The following DNA2 variants were observed in gnomAD, a reference collection of about 807,000 sequenced individuals.
DNA2 encodes DNA replication helicase/nuclease 2, also known as DNA replication ATP-dependent helicase/nuclease DNA2.
A neutral mutation model predicts 119.1 loss-of-function variants in DNA2; 101 were observed. The ratio of observed to expected loss-of-function variants is 0.85; its 90% CI spans 0.72 to 1.00. The LOEUF is 1.00. Ranked by LOEUF, DNA2 falls within the 50% of genes least tolerant of loss-of-function variation. DNA2 has a pLI of 0.00. For missense variants in DNA2, 1,121 were observed against 1,255.5 expected (o/e 0.89, Z 1.62); for synonymous variants, 366 against 424.4 (o/e 0.86, Z 1.69).
At chr10:68,435,173 C>T (rs1232227735) in intron 10 of DNA2, among the ~76,000 whole-genome samples, 1 of 151,784 alleles carries the variant, frequency 6.6e-6, no homozygotes, top group Admixed American at 6.6e-5. Context: ...CCCACCTCGG[C>T]CTCCACAGTA....
At chr10:68,460,065 A>ACACACACAC (rs1387797925) in intron 4 of DNA2, among the ~76,000 whole-genome samples, 3 of 151,154 alleles carry the variant, frequency 2.0e-5, no homozygotes, top group Admixed American at 6.6e-5. Context: ...ACACACATAC[A>ACACACACAC]AGTTAACATG....
At chr10:68,462,551 A>T (rs2052273459) in intron 4 of DNA2, among the ~76,000 whole-genome samples, 2 of 145,090 alleles carry the variant, frequency 1.4e-5, no homozygotes, top group Admixed American at 1.3e-4. Context: ...AACTGCTGTT[A>T]TAAACTTACC....
intron 4 of DNA2, among the ~76,000 whole-genome samples, chr10:68,464,196 T>C (rs1229334366): frequency 1.3e-5 from 2 of 152,136 alleles, no homozygotes; most frequent in Non-Finnish European, 2.9e-5. Context: ...ACAATGTCTA[T>C]AGAGAGCAAT....
chr10:68,432,738 G>A (rs972061147), intron 10 of DNA2, among the ~76,000 whole-genome samples: 2 of 152,124 alleles, frequency 1.3e-5, no homozygotes, highest in African/African-American at 4.8e-5. Flanking sequence ...ATTAATAATT[G>A]GGAACCTGCA....
intron 6 of DNA2, among the ~76,000 whole-genome samples, chr10:68,449,052 G>C (rs946654876): frequency 3.3e-5 from 5 of 150,768 alleles, no homozygotes; most frequent in Admixed American, 1.3e-4. Context: ...ACCCACCTCG[G>C]CCTCCCAAAG....
intron 13 of DNA2, among the ~76,000 whole-genome samples, chr10:68,431,257 GA>G (rs59959262): frequency 2.3e-4 from 33 of 145,322 alleles, no homozygotes; most frequent in East Asian, 1.2e-3. Flanking sequence ...TTACTGACAT[GA>G]AAAAAAAAAT....
At chr10:68,418,517 A>G (rs1419587676) in intron 19 of DNA2, among the ~76,000 whole-genome samples, 2 of 149,460 alleles carry the variant, frequency 1.3e-5, no homozygotes, top group Non-Finnish European at 3.0e-5. Flanking sequence ...CAGAACGTGC[A>G]GTTTTGTTAC....
chr10:68,431,907 G>A lies in DNA2; in HGVS notation c.1938C>T (p.Ile646=), dbSNP rs745691227. Residue 646 remains isoleucine, a synonymous_variant, in exon 13 of 21, where the codon ATC becomes ATT. Coordinates refer to ENST00000358410, the MANE Select transcript of DNA2 (RefSeq NM_001080449.3). ...TTTTTCCTGTCCCAGGCATACCCAC[G>A]ATGAGTGTGTAGTCTTTTGAAAGAA... The part of the protein sequence containing the change: ...KVLLSKDYTL[I]VGMPGTGKTT... 7.4e-6 allele frequency: 12 copies of A among 1,613,774 alleles called. No individual in the cohort carries two copies. Among genetic ancestry groups the A allele is most frequent in the Admixed American group, 1.7e-5 (1 of 59,996 alleles).
At position 68,422,763 on chromosome 10, in the gene DNA2, G is replaced by GAA; in HGVS notation, c.2334_2335dup (p.Ser779PhefsTer7). 2 of 1,576,408 alleles carry GAA rather than the reference G, an allele frequency of 1.3e-6. No individual in the cohort carries two copies. The highest frequency in any genetic ancestry group is 1.8e-5 in the Admixed American group (1 of 55,172). ...GTCCCCCACTAACACAAATCTCCGTGAAAAAAAAAGGGGGCCCAGACAAAT... is the reference window on the plus strand; with the variant it reads ...GTCCCCCACTAACACAAATCTCCGTGAAAAAAAAAAAGGGGGCCCAGACAAAT... On this transcript the variant is annotated frameshift_variant, in exon 15 of 21. Coordinates refer to ENST00000358410, the MANE Select transcript of DNA2 (RefSeq NM_001080449.3). LOFTEE classifies it high-confidence loss of function.
chr10:68,434,230 G>C (rs1263160922), intron 10 of DNA2, among the ~76,000 whole-genome samples: 1 of 151,388 alleles, frequency 6.6e-6, no homozygotes, highest in African/African-American at 2.4e-5. Context: ...AACTGAGATC[G>C]TGCTACTGCA....
chr10:68,431,259 A>C (rs1259525665), intron 13 of DNA2, among the ~76,000 whole-genome samples: 2 of 151,512 alleles, frequency 1.3e-5, no homozygotes, highest in African/African-American at 4.8e-5. Context: ...ACTGACATGA[A>C]AAAAAAAATC....
intron 4 of DNA2, among the ~76,000 whole-genome samples, chr10:68,460,199 T>TA (rs1468264767): frequency 1.2e-4 from 19 of 152,030 alleles, no homozygotes; most frequent in African/African-American, 4.6e-4. Context: ...CTCTGCCTTA[T>TA]AGGCTCAAGT....
chr10:68,431,210 C>T (rs750316139), intron 13 of DNA2, among the ~76,000 whole-genome samples: 3 of 78,684 alleles, frequency 3.8e-5, no homozygotes, highest in Non-Finnish European at 7.5e-5. Flanking sequence ...GACTCCATCT[C>T]AAAAAAAAAA....
chr10:68,431,289 C>CT (rs1281840765), intron 13 of DNA2, among the ~76,000 whole-genome samples: 12 of 146,536 alleles, frequency 8.2e-5, no homozygotes, highest in South Asian at 2.2e-4. Flanking sequence ...TCTCTAACAT[C>CT]TTTTTTTTTT....
At chr10:68,472,023 G>A (rs1296974289), upstream of DNA2, 14 of 1,607,836 alleles carry the variant, frequency 8.7e-6, no homozygotes, top group Non-Finnish European at 1.0e-5. Context: ...CGCCCCTCCC[G>A]CGCCGGCGCG....
At chr10:68,435,260 G>A (rs1312293991) in intron 10 of DNA2, among the ~76,000 whole-genome samples, 1 of 151,760 alleles carries the variant, frequency 6.6e-6, no homozygotes, top group Non-Finnish European at 1.5e-5. Context: ...TGTTGCCCAG[G>A]CTGGTCTCAA....
chr10:68,435,452 TAC>T (rs200522204), intron 10 of DNA2, among the ~76,000 whole-genome samples: 14,163 of 150,634 alleles, frequency 0.094, 973 homozygotes, highest in South Asian at 0.25. Flanking sequence ...AGAATATACA[TAC>T]ACATATATAT....
chr10:68,447,287 G>A (rs902613126), intron 6 of DNA2, among the ~76,000 whole-genome samples: 8 of 152,046 alleles, frequency 5.3e-5, no homozygotes, highest in African/African-American at 9.7e-5. Context: ...GAAGGCCAAC[G>A]TGGGCAGATT....
chr10:68,414,955 T>C lies in DNA2; in HGVS notation c.*84A>G, dbSNP rs964671485. 2 of 866,590 alleles carry C rather than the reference T, an allele frequency of 2.3e-6. No individual in the cohort carries two copies. The highest frequency in any genetic ancestry group is 3.4e-5 in the African/African-American group (2 of 58,990). The allele number at this position is 866,590 out of a possible 1,614,324, so 53.7% of individuals were successfully genotyped here. ...TTTAAAACATAAATACTGCATTAAA[T>C]TTTGTATGGTGATAGAATTTTCTGT... is the stretch of plus-strand genomic sequence containing the variant. On this transcript the variant is annotated 3_prime_UTR_variant, in exon 21 of 21. Coordinates refer to ENST00000358410, the MANE Select transcript of DNA2 (RefSeq NM_001080449.3).
Sources: gnomAD v4.1 joint callset for allele counts (sites outside exome capture counted in the v4.1 genomes callset) on GRCh38, gnomAD v4.1.1 for gene constraint, MANE v1.5 for transcripts, NCBI Gene and HGNC (gene_info 2026-07-23, HGNC 2026-07-21) for gene names.